The following HIF1A variants were observed in gnomAD, a reference collection of about 807,000 sequenced individuals.
HIF1A encodes the protein hypoxia inducible factor 1 subunit alpha.
HIF1A carries 24 observed loss-of-function variants against 92.7 expected under a neutral mutation model. That is an observed-to-expected ratio of 0.26 (90% CI 0.19 to 0.36). The LOEUF (loss-of-function observed/expected upper bound fraction) is 0.36, where lower values mean the gene tolerates loss of function less well. Among genes scored for constraint, HIF1A ranks in the 10% least tolerant of loss-of-function variants. The pLI, the probability that HIF1A is intolerant of heterozygous loss-of-function variation, is 1.00. For missense variants in HIF1A, 799 were observed against 998.5 expected, an observed-to-expected ratio of 0.80 and a Z score of 2.69; for synonymous variants, 319 against 338.7, an observed-to-expected ratio of 0.94 and a Z score of 0.64.
intron 12 of HIF1A, among the ~76,000 whole-genome samples, chr14:61,742,202 A>G (rs1400510652): frequency 2.6e-5 from 4 of 152,342 alleles, no homozygotes; most frequent in South Asian, 4.1e-4. Context: ...AGGGGATTTC[A>G]CATATTTTAA....
At chr14:61,724,349 T>TTCTCTCTCTC (rs147642291) in intron 4 of HIF1A, among the ~76,000 whole-genome samples, 6,965 of 95,996 alleles carry the variant, frequency 0.073, 696 homozygotes, top group Admixed American at 0.14. Context: ...CACACACACA[T>TTCTCTCTCTC]TCTCTCTCTC....
intron 4 of HIF1A, among the ~76,000 whole-genome samples, chr14:61,726,089 G>C (rs943378054): frequency 2.0e-5 from 3 of 151,994 alleles, no homozygotes; most frequent in African/African-American, 7.2e-5. Context: ...CAAAGTGCTG[G>C]GATTACAGGC....
chr14:61,719,586 G>A (rs2044402438), intron 1 of HIF1A, among the ~76,000 whole-genome samples: 1 of 152,214 alleles, frequency 6.6e-6, no homozygotes, highest in South Asian at 2.1e-4. Flanking sequence ...AGCAAAGGAA[G>A]ACAGCTTTTG....
intron 1 of HIF1A, chr14:61,697,780 A>C: frequency 6.9e-7 from 1 of 1,444,018 alleles, no homozygotes; most frequent in Non-Finnish European, 9.0e-7. Flanking sequence ...ACTAATTTAC[A>C]GTTTTTTGAA....
intron 11 of HIF1A, 48 bp downstream of exon 11, chr14:61,740,675 T>G (rs373631905): frequency 3.9e-6 from 6 of 1,545,528 alleles, no homozygotes; most frequent in African/African-American, 2.8e-5. Flanking sequence ...ATTTTTAGTC[T>G]GAAGTGACTT....
In HIF1A at chr14:61,726,783, G is replaced by A; in HGVS notation, c.535G>A (p.Gly179Arg). 6.2e-7 allele frequency: 1 copy of A among 1,607,934 alleles called. No homozygotes were observed. The highest frequency in any genetic ancestry group is 8.5e-7 in the Non-Finnish European group (1 of 1,177,024). The change falls in exon 5 of 15, where the codon GGA (glycine) becomes AGA (arginine). Residue 179 changes from glycine (G) to arginine (R), a missense_variant. Coordinates refer to ENST00000337138, the MANE Select transcript of HIF1A (RefSeq NM_001530.4). ...AATGAAGTGTACCCTAACTAGCCGA[G>A]GAAGAACTATGAACATAAAGTCTGC... ...LRMKCTLTSRGRTMNIKSATW... is the reference protein window; with the variant it reads ...LRMKCTLTSRRRTMNIKSATW...
chr14:61,735,993 C>T (rs1337404848), intron 8 of HIF1A, among the ~76,000 whole-genome samples: 7 of 144,188 alleles, frequency 4.9e-5, no homozygotes, highest in African/African-American at 5.1e-5. Flanking sequence ...TTCTTTTTTT[C>T]TTTTTTTTTT....
chr14:61,736,910 G>C lies in HIF1A; in HGVS notation c.1050G>C (p.Leu350Phe), dbSNP rs1388496031. ...YVVSGIIQHD[L>F]IFSLQQTECV... ...ACAGTGGTATTATTCAGCACGACTT[G>C]ATTTTCTCCCTTCAACAAACAGAAT... The change falls in exon 9 of 15, where the codon TTG becomes TTC. Residue 350 changes from leucine to phenylalanine, a missense_variant. By Grantham distance (22) the Leu-to-Phe change is conservative. Transcript: ENST00000337138. The C allele has an allele frequency of 6.2e-6, 10 of 1,613,520 alleles. No homozygotes were observed. The highest frequency in any genetic ancestry group is 7.6e-6 in the Non-Finnish European group (9 of 1,179,496).
intron 1 of HIF1A, among the ~76,000 whole-genome samples, chr14:61,705,967 T>C (rs1293475056): frequency 6.6e-6 from 1 of 152,174 alleles, no homozygotes; most frequent in Non-Finnish European, 1.5e-5. Context: ...TGTTTTTTCC[T>C]GTTATGTAAG....
chr14:61,733,987 G>A (rs1014492444), intron 7 of HIF1A, 151 bp from the exon 8 acceptor site: 12 of 487,918 alleles, frequency 2.5e-5, no homozygotes, highest in African/African-American at 2.2e-4. Flanking sequence ...ATTCTGGGAC[G>A]CACTGTCAGA....
intron 1 of HIF1A, among the ~76,000 whole-genome samples, chr14:61,705,292 T>A (rs1050413368): frequency 2.0e-5 from 3 of 152,146 alleles, no homozygotes; most frequent in Non-Finnish European, 4.4e-5. Context: ...GAGGCAAGTA[T>A]ACAGAACTAT....
At chr14:61,733,292 G>A (rs2044598288) in intron 7 of HIF1A, among the ~76,000 whole-genome samples, 1 of 152,122 alleles carries the variant, frequency 6.6e-6, no homozygotes, top group African/African-American at 2.4e-5. Flanking sequence ...TGCCATGTTG[G>A]CCAGGCTGGT....
In HIF1A at chr14:61,747,094, T is replaced by A. The variant is rs747441284; in HGVS notation, c.*9T>A. The A allele has an allele frequency of 2.5e-6, 4 of 1,597,036 alleles. No individual in the cohort carries two copies. In the South Asian group the frequency reaches 4.6e-5, roughly 18 times the overall value. ...TGGATCAAGTTAACTGAGCTTTTTC[T>A]TAATTTCATTCCTTTTTTTGGACAC... On this transcript the variant is annotated 3_prime_UTR_variant, in exon 15 of 15. Transcript: ENST00000337138.
intron 6 of HIF1A, among the ~76,000 whole-genome samples, chr14:61,730,768 T>G (rs1403778265): frequency 6.6e-6 from 1 of 152,226 alleles, no homozygotes. Flanking sequence ...CTTTGCATTT[T>G]CATGCCTAGA....
Position 61,744,719 on chromosome 14 carries a change from A to G in HIF1A, c.2108A>G (p.Glu703Gly). 6.5e-7 allele frequency: 1 copy of G among 1,536,654 alleles called. No individual in the cohort carries two copies. The highest frequency in any genetic ancestry group is 8.9e-7 in the Non-Finnish European group (1 of 1,120,352). Residue 703 changes from glutamate (E) to glycine (G), a missense_variant, in exon 13 of 15, where the codon GAG becomes GGG. By Grantham distance (98) the Glu-to-Gly change is moderately conservative (BLOSUM62 -2). Around this residue, in one of 2 missense-constraint regions of HIF1A, gnomAD observed 283 missense variants for 277.5 expected, o/e 1.02. Coordinates refer to ENST00000337138, the MANE Select transcript of HIF1A (RefSeq NM_001530.4). ...TTTCTTTTCAGAACTACAGTTCCTG[A>G]GGAAGAACTAAATCCAAAGATACTA... ...VALSQRTTVP[E>G]EELNPKILAL... is the part of the protein sequence containing the mutation.
intron 1 of HIF1A, among the ~76,000 whole-genome samples, chr14:61,720,103 C>G (rs751308217): frequency 3.9e-5 from 6 of 152,158 alleles, no homozygotes; most frequent in Non-Finnish European, 8.8e-5. Context: ...ACATTCTCTC[C>G]AATTACATAT....
chr14:61,744,862 TG>T, intron 13 of HIF1A, 49 bp downstream of exon 13: 2 of 8,320 alleles, frequency 2.4e-4, no homozygotes, highest in African/African-American at 2.4e-4. Context: ...TGCTATTTCG[TG>T]TGTGTGTGTG....
intron 1 of HIF1A, among the ~76,000 whole-genome samples, chr14:61,696,233 G>T (rs1010215572): frequency 6.6e-6 from 1 of 152,260 alleles, no homozygotes; most frequent in Non-Finnish European, 1.5e-5. Context: ...CTCGGTAGCC[G>T]CGGTTTGCAC....
intron 5 of HIF1A, among the ~76,000 whole-genome samples, 186 bp from the exon 6 acceptor site, chr14:61,727,267 G>A (rs1018219451): frequency 2.6e-5 from 4 of 152,214 alleles, no homozygotes; most frequent in African/African-American, 9.6e-5. Flanking sequence ...GCCCTGGGCA[G>A]GAAGTAGGTC....
Sources: gnomAD v4.1 joint callset for allele counts (sites outside exome capture counted in the v4.1 genomes callset) on GRCh38, gnomAD v4.1.1 for gene constraint, gnomAD v4.1.1 regional missense constraint, MANE v1.5 for transcripts, NCBI Gene and HGNC (gene_info 2026-07-23, HGNC 2026-07-21) for gene names.